Variants in HSDL2 observed in about 807,000 individuals in gnomAD.
HSDL2 encodes the protein hydroxysteroid dehydrogenase-like protein 2.
HSDL2 carries 27 observed loss-of-function variants against 46.3 expected under a neutral mutation model. The ratio of observed to expected loss-of-function variants is 0.58; its 90% CI spans 0.43 to 0.80. The LOEUF (loss-of-function observed/expected upper bound fraction) is 0.80. Among genes scored for constraint, HSDL2 ranks in the 30% least tolerant of loss-of-function variants. HSDL2 has a pLI of 0.00. For synonymous variants in HSDL2, 153 were observed against 163.6 expected (o/e 0.94, Z 0.50); for missense variants, 451 against 502.7 (o/e 0.90, Z 0.98).
In HSDL2 at chr9:112,436,284, A is replaced by AT. The variant is rs201498305; in HGVS notation, c.599-2142dup. Among the ~76,000 whole-genome samples, 1,094 of 149,700 alleles carry AT rather than the reference A, an allele frequency of 7.3e-3. 18 individuals are homozygous for AT. Among genetic ancestry groups the AT allele is most frequent in the African/African-American group, 0.025 (1,014 of 40,648 alleles). ...AAAAAAAAATTATTCCTAGTAAATG[A>AT]TTTTTAGTTATGAAGTAGAAAAGTG... is the stretch of plus-strand genomic sequence containing the variant. On this transcript the variant is annotated intron_variant, in intron 6 of 10. Transcript: ENST00000398805.
chr9:112,440,927 G>A (rs1474541371), intron 7 of HSDL2, among the ~76,000 whole-genome samples: 1 of 152,218 alleles, frequency 6.6e-6, no homozygotes, highest in Non-Finnish European at 1.5e-5. Context: ...AGGATTGCTT[G>A]AACCTGGGAG....
At chr9:112,423,418 T>G (rs1784147451) in intron 6 of HSDL2, among the ~76,000 whole-genome samples, 1 of 151,902 alleles carries the variant, frequency 6.6e-6, no homozygotes, top group African/African-American at 2.4e-5. Flanking sequence ...CTCGGCTCAC[T>G]GCAACCTCTG....
chr9:112,427,156 G>A (rs1832268389), intron 6 of HSDL2, among the ~76,000 whole-genome samples: 1 of 152,314 alleles, frequency 6.6e-6, no homozygotes, highest in Admixed American at 6.5e-5. Context: ...CCAGGTTTAA[G>A]TGATTCTCCT....
chr9:112,418,719 A>G, intron 5 of HSDL2, 141 bp from the exon 6 acceptor site: 1 of 422,764 alleles, frequency 2.4e-6, no homozygotes, highest in South Asian at 2.6e-5. Context: ...ACACAGATAT[A>G]TACACATACA....
intron 8 of HSDL2, among the ~76,000 whole-genome samples, chr9:112,452,199 T>A (rs1424912232): frequency 6.6e-6 from 1 of 152,228 alleles, no homozygotes; most frequent in East Asian, 1.9e-4. Context: ...GCAATTTATA[T>A]TCAGTATACT....
chr9:112,385,164 A>G (rs925326580), intron 1 of HSDL2, among the ~76,000 whole-genome samples: 8 of 152,092 alleles, frequency 5.3e-5, no homozygotes, highest in African/African-American at 1.9e-4. Context: ...TACCTTTTGT[A>G]TGAAAAAAGG....
At chr9:112,409,046 G>T (rs1379241647) in intron 4 of HSDL2, 25 bp downstream of exon 4, 1 of 1,319,670 alleles carries the variant, frequency 7.6e-7, no homozygotes, top group Non-Finnish European at 1.1e-6. Context: ...AGAGTTGTTG[G>T]GGAGGAAGTT....
chr9:112,453,013 CA>C (rs113089849), intron 8 of HSDL2, among the ~76,000 whole-genome samples: 1 of 150,952 alleles, frequency 6.6e-6, no homozygotes, highest in Non-Finnish European at 1.5e-5. Context: ...ATAAGTGAGA[CA>C]GGGAGAAGAA....
At chr9:112,410,816 C>T (rs986048128) in intron 4 of HSDL2, among the ~76,000 whole-genome samples, 1 of 152,124 alleles carries the variant, frequency 6.6e-6, no homozygotes, top group Non-Finnish European at 1.5e-5. Context: ...GTAGTCCCAG[C>T]TACTTAGGAA....
chr9:112,454,242 A>G (rs937601752), intron 9 of HSDL2, 80 bp downstream of exon 9: 27 of 1,172,946 alleles, frequency 2.3e-5, no homozygotes, highest in Non-Finnish European at 3.3e-5. Context: ...AGCGTCCAAC[A>G]GTGATCCCCT....
In HSDL2 at chr9:112,438,485, G is replaced by T; in HGVS notation, c.653G>T (p.Cys218Phe). 1 of 1,611,408 alleles carries T rather than the reference G, an allele frequency of 6.2e-7. No individual in the cohort carries two copies. Among genetic ancestry groups the T allele is most frequent in the Non-Finnish European group, 8.5e-7 (1 of 1,179,058 alleles). ...MLGGPGIESQ[C>F]RKVDIIADAA... ...GGAGGACCTGGTATCGAAAGCCAGT[G>T]TAGAAAAGTTGATATCATTGCAGAT... The change falls in exon 7 of 11, where the codon TGT (cysteine) becomes TTT (phenylalanine). Residue 218 changes from cysteine to phenylalanine, a missense_variant. By Grantham distance (205) the Cys-to-Phe change is radical. Coordinates refer to ENST00000398805, the MANE Select transcript of HSDL2 (RefSeq NM_032303.5).
chr9:112,439,728 T>C (rs1832599895), intron 7 of HSDL2, among the ~76,000 whole-genome samples: 1 of 152,268 alleles, frequency 6.6e-6, no homozygotes, highest in Non-Finnish European at 1.5e-5. Context: ...TTATATGCAT[T>C]ATCTATTTAG....
intron 4 of HSDL2, among the ~76,000 whole-genome samples, chr9:112,416,504 G>A (rs1015229370): frequency 7.3e-5 from 11 of 151,616 alleles, no homozygotes; most frequent in Admixed American, 5.9e-4. Flanking sequence ...TATAATCCTG[G>A]CACTTCGGGA....
At chr9:112,398,744 T>C (rs1484426588) in intron 1 of HSDL2, among the ~76,000 whole-genome samples, 2 of 151,988 alleles carry the variant, frequency 1.3e-5, no homozygotes, top group African/African-American at 4.8e-5. Context: ...TTGGGACCAG[T>C]TCCTGGAATT....
intron 1 of HSDL2, among the ~76,000 whole-genome samples, chr9:112,381,101 A>ACACACACACACG (rs1831082393): frequency 1.3e-5 from 2 of 151,512 alleles, no homozygotes; most frequent in African/African-American, 2.4e-5. Flanking sequence ...ACACACACAC[A>ACACACACACACG]CACACACACA....
intron 3 of HSDL2, among the ~76,000 whole-genome samples, chr9:112,406,652 G>A (rs1831737161): frequency 6.6e-6 from 1 of 151,916 alleles, no homozygotes; most frequent in Non-Finnish European, 1.5e-5. Context: ...TGTATATTTA[G>A]TAGAGACAGG....
At chr9:112,414,210 T>G (rs970877974) in intron 4 of HSDL2, among the ~76,000 whole-genome samples, 2 of 152,244 alleles carry the variant, frequency 1.3e-5, no homozygotes, top group Non-Finnish European at 2.9e-5. Context: ...TACGGGTCTT[T>G]GAATACATTT....
intron 8 of HSDL2, among the ~76,000 whole-genome samples, chr9:112,452,609 C>T (rs966300391): frequency 2.0e-5 from 3 of 152,024 alleles, no homozygotes; most frequent in African/African-American, 4.8e-5. Flanking sequence ...TAGCCGGGCA[C>T]GGTGGTGGGC....
At chr9:112,445,547 G>A (rs2132679822) in intron 8 of HSDL2, among the ~76,000 whole-genome samples, 1 of 145,824 alleles carries the variant, frequency 6.9e-6, no homozygotes, top group Non-Finnish European at 1.5e-5. Context: ...TTATTTTTTT[G>A]AGACAGAGTC....
Sources: allele counts gnomAD v4.1 joint callset (sites outside exome capture counted in the v4.1 genomes callset), GRCh38; gene constraint gnomAD v4.1.1; transcripts MANE v1.5; gene names NCBI Gene and HGNC (gene_info 2026-07-23, HGNC 2026-07-21).